The following SBNO2 variants were observed in gnomAD, a reference collection of about 807,000 sequenced individuals.
SBNO2 encodes protein strawberry notch homolog 2.
SBNO2 carries 89 observed loss-of-function variants against 146.3 expected under a neutral mutation model. The observed-to-expected ratio is 0.61, with a 90% confidence interval of 0.51 to 0.73. SBNO2 has a LOEUF of 0.73. SBNO2 is among the 30% of genes least tolerant of loss of function. The pLI is 0.00. For missense variants in SBNO2, 2,092 were observed against 2,003.7 expected, an observed-to-expected ratio of 1.04 and a Z score of -0.84; for synonymous variants, 1,147 against 892.6, an observed-to-expected ratio of 1.29 and a Z score of -5.08.
intron 4 of SBNO2, among the ~76,000 whole-genome samples, chr19:1,129,850 C>G (rs575067321): frequency 6.6e-6 from 1 of 152,152 alleles, no homozygotes; most frequent in Admixed American, 6.5e-5. Context: ...CCAGTCCTTC[C>G]CCGGAGCTCA....
chr19:1,149,979 G>A (rs1448580462), intron 2 of SBNO2, among the ~76,000 whole-genome samples: 2 of 152,194 alleles, frequency 1.3e-5, no homozygotes, highest in South Asian at 2.1e-4. Context: ...AGGCTGCTGC[G>A]GGACGGGGCC....
At position 1,109,480 on chromosome 19, in the gene SBNO2, G is replaced by C. The variant is rs751170271; in HGVS notation, c.3216+26C>G. 15 of 1,577,640 alleles carry C rather than the reference G, an allele frequency of 9.5e-6. No individual in the cohort carries two copies. In the South Asian group the frequency reaches 1.0e-4, roughly 11 times the overall value. On this transcript the variant is annotated intron_variant, in intron 28 of 31. Coordinates refer to ENST00000361757, the MANE Select transcript of SBNO2 (RefSeq NM_014963.3). This position sits in a 1 kb window ranked among gnomAD's most constrained non-coding sequence, Gnocchi z 4.2. ...GTCCGCCCCCCGCGGGCCCTCCTCT[G>C]GGGGGGTAACCCCGCCCGACCCCAC...
intron 2 of SBNO2, 33 bp downstream of exon 2, chr19:1,154,151 G>A (rs2080267292): frequency 5.4e-6 from 6 of 1,111,098 alleles, no homozygotes; most frequent in Non-Finnish European, 6.8e-6. Context: ...CGTGGACCCC[G>A]TCGGGTGGGC....
At chr19:1,119,452 GATGGGCCTGA>G in intron 13 of SBNO2, 54 bp downstream of exon 13, 1 of 1,298,952 alleles carries the variant, frequency 7.7e-7, no homozygotes, top group Non-Finnish European at 1.1e-6. Flanking sequence ...GCCTTGGGCT[GATGGGCCTGA>G]GGCCTCCTCC....
rs968838666 is a variant in SBNO2, at chr19:1,108,588, G to A, written c.3733C>T (p.Arg1245Cys). ...ALGCPAPPAP[R>C]PLALPCGPGE... ...GGGCCGCAAGGCAGCGCCAGCGGGC[G>A]CGGGGCGGGCGGGGCGGGGCAGCCC... The change falls in exon 32 of 32, where the codon CGC (arginine) becomes TGC (cysteine). Residue 1245 changes from arginine (R) to cysteine (C), a missense_variant. Coordinates refer to ENST00000361757, the MANE Select transcript of SBNO2 (RefSeq NM_014963.3). 3.1e-6 allele frequency: 4 copies of A among 1,284,636 alleles called. No homozygotes were observed. The highest frequency in any genetic ancestry group is 2.0e-5 in the South Asian group (1 of 48,848). 79.6% of individuals were successfully genotyped at this position (1,284,636 alleles called of 1,614,324 possible).
rs977358745 is a variant in SBNO2 at position 1,126,717 on chromosome 19, C to T, written c.441+887G>A. Among the ~76,000 whole-genome samples the T allele has an allele frequency of 6.6e-6, 1 of 152,310 alleles. No homozygotes were observed. Among genetic ancestry groups the T allele is most frequent in the Non-Finnish European group, 1.5e-5 (1 of 68,012 alleles). ...AGCCCACCACTGTGCCGGGAGCGTG[C>T]GGAGGCTGGCATGGGCCCTCACCGG... On this transcript the variant is annotated intron_variant, in intron 5 of 31. Transcript: ENST00000361757. This position sits in a 1 kb window ranked among gnomAD's most constrained non-coding sequence, Gnocchi z 4.4.
chr19:1,124,124 C>A, intron 5 of SBNO2, 102 bp from the exon 6 acceptor site: 1 of 1,049,302 alleles, frequency 9.5e-7, no homozygotes, highest in Non-Finnish European at 1.4e-6. Flanking sequence ...ACTGCCCCGT[C>A]CTCGCCTCCC....
rs747978607 is a variant in SBNO2, at chr19:1,123,924, C to T, written c.522+18G>A. On this transcript the variant is annotated intron_variant, in intron 6 of 31. Coordinates refer to ENST00000361757, the MANE Select transcript of SBNO2 (RefSeq NM_014963.3). Reference sequence around the variant, plus strand: ...ATGAGAGGGCAGGGGAGGGAGCTCTCGGCTGGGCCCAGCTCACCTGGTAGC... The same window carrying T: ...ATGAGAGGGCAGGGGAGGGAGCTCTTGGCTGGGCCCAGCTCACCTGGTAGC... 47 of 1,607,246 alleles carry T rather than the reference C, an allele frequency of 2.9e-5. No homozygotes were observed. The highest frequency in any genetic ancestry group is 2.3e-4 in the South Asian group (21 of 89,802).
chr19:1,155,169 C>T lies in SBNO2; in HGVS notation c.-126-767G>A, dbSNP rs561063066. The T allele has an allele frequency of 5.0e-3, 769 of 152,340 alleles. 2 individuals are homozygous for T. Among genetic ancestry groups the T allele is most frequent in the Middle Eastern group, 0.01 (3 of 294 alleles). The allele number at this position is 152,340 out of a possible 1,614,324, so 9.4% of individuals were successfully genotyped here. On this transcript the variant is annotated intron_variant, in intron 1 of 31. Transcript: ENST00000361757. ...CGCCCAGCATGCTCACTGCCGAGGG[C>T]GGCAGGAAGGGGAGGCGGCGGCCAC...
intron 17 of SBNO2, among the ~76,000 whole-genome samples, chr19:1,115,200 G>A (rs972495345): frequency 5.9e-5 from 9 of 151,958 alleles, no homozygotes; most frequent in African/African-American, 9.7e-5. Context: ...AAAGTGCTGG[G>A]ATTACAACAG....
chr19:1,145,589 G>C (rs958503182), intron 4 of SBNO2, among the ~76,000 whole-genome samples: 2 of 152,136 alleles, frequency 1.3e-5, no homozygotes, highest in Non-Finnish European at 2.9e-5. Flanking sequence ...CCCAGGGCTG[G>C]GGCTGGTAGG....
chr19:1,141,068 C>T (rs2080131999), intron 4 of SBNO2, among the ~76,000 whole-genome samples: 2 of 151,898 alleles, frequency 1.3e-5, no homozygotes, highest in African/African-American at 2.4e-5. Context: ...AGAAGAGGCG[C>T]CCCGGAGAAG....
At chr19:1,117,564 C>T in intron 14 of SBNO2, 65 bp from the exon 15 acceptor site, 2 of 1,474,282 alleles carry the variant, frequency 1.4e-6, no homozygotes, top group Non-Finnish European at 1.8e-6. Flanking sequence ...GGGCCCCGGC[C>T]CACCTGCCGC....
chr19:1,141,642 G>C (rs550769981), intron 4 of SBNO2, among the ~76,000 whole-genome samples: 32 of 151,702 alleles, frequency 2.1e-4, no homozygotes, highest in African/African-American at 7.8e-4. Context: ...ACACAGTGGG[G>C]CCCTCCACGC....
chr19:1,108,933 G>A lies in SBNO2; in HGVS notation c.3462C>T (p.Asp1154=). 3 of 1,568,428 alleles carry A rather than the reference G, an allele frequency of 1.9e-6. No individual in the cohort carries two copies. The highest frequency in any genetic ancestry group is 1.1e-5 in the South Asian group (1 of 87,654). ...RHCRLAQEGK[D]CLQGLRLRHH... Reference sequence around the variant, plus strand: ...GCCGCAGCCGCAGCCCCTGCAGGCAGTCCTTACCCTCCTGCGCCAGCCGGC... The same window carrying A: ...GCCGCAGCCGCAGCCCCTGCAGGCAATCCTTACCCTCCTGCGCCAGCCGGC... Residue 1154 remains aspartate (D), a synonymous_variant, in exon 31 of 32, where the codon GAC becomes GAT. Coordinates refer to ENST00000361757, the MANE Select transcript of SBNO2 (RefSeq NM_014963.3).
chr19:1,123,998 C>A lies in SBNO2; in HGVS notation c.466G>T (p.Ala156Ser). Reference sequence around the variant, plus strand: ...GAGGGCAGAAAGTCCTCGAAGCCTGCAAACGGCCTGCTGAGCTGGAACAGC... The same window carrying A: ...GAGGGCAGAAAGTCCTCGAAGCCTGAAAACGGCCTGCTGAGCTGGAACAGC... ...DKLFQLSRPF[A>S]GFEDFLPSHS... is the part of the protein sequence containing the mutation. Residue 156 changes from alanine (A) to serine (S), a missense_variant, in exon 6 of 32, where the codon GCA becomes TCA. Physicochemically the swap from Ala to Ser is moderately conservative, Grantham distance 99. Transcript: ENST00000361757. 2 of 1,611,902 alleles carry A rather than the reference C, an allele frequency of 1.2e-6. No homozygotes were observed. The highest frequency in any genetic ancestry group is 1.1e-5 in the South Asian group (1 of 90,762).
At chr19:1,148,420 C>G (rs1234800947) in intron 3 of SBNO2, among the ~76,000 whole-genome samples, 2 of 151,918 alleles carry the variant, frequency 1.3e-5, no homozygotes, top group Non-Finnish European at 2.9e-5. Flanking sequence ...ACTCCTACCC[C>G]CCCTGCAGAA....
At position 1,112,285 on chromosome 19, in the gene SBNO2, G is replaced by T; in HGVS notation, c.2532C>A (p.Ser844=). The part of the protein sequence containing the change: ...AIQQFGRTHR[S]NQVSAPEYVF... Reference sequence around the variant, plus strand: ...CATACTCTGGCGCGGAGACCTGGTTGGACCGGTGGGTGCGGCCTGGGGGCA... The same window carrying T: ...CATACTCTGGCGCGGAGACCTGGTTTGACCGGTGGGTGCGGCCTGGGGGCA... Residue 844 remains serine, a synonymous_variant, in exon 22 of 32, where the codon TCC becomes TCA. Coordinates refer to ENST00000361757, the MANE Select transcript of SBNO2 (RefSeq NM_014963.3). This position sits in a 1 kb window ranked among gnomAD's most constrained non-coding sequence, Gnocchi z 5.9. 1 of 1,586,650 alleles carries T rather than the reference G, an allele frequency of 6.3e-7. No homozygotes were observed.
chr19:1,145,133 A>G (rs2080177434), intron 4 of SBNO2, among the ~76,000 whole-genome samples: 1 of 151,784 alleles, frequency 6.6e-6, no homozygotes, highest in African/African-American at 2.4e-5. Context: ...AGAGAGAGAG[A>G]CTAGGAGCAG....
Sources: allele counts gnomAD v4.1 joint callset (sites outside exome capture counted in the v4.1 genomes callset), GRCh38; gene constraint gnomAD v4.1.1; non-coding constraint Gnocchi (gnomAD v3.1); transcripts MANE v1.5; gene names NCBI Gene and HGNC (gene_info 2026-07-23, HGNC 2026-07-21).